TBC1D1: variants seen among roughly 807,000 people sequenced by gnomAD.
TBC1D1 encodes the protein TBC1 (tre-2/USP6, BUB2, cdc16) domain family, member 1.
Under a neutral mutation model 125.6 loss-of-function variants are expected in TBC1D1, and 89 were observed. That is an observed-to-expected ratio of 0.71 (90% CI 0.60 to 0.85). The LOEUF is 0.85. TBC1D1 is among the 40% of genes least tolerant of loss of function. The probability of loss-of-function intolerance (pLI) is 0.00; values close to 1 mark genes in which losing one functional copy is unlikely to be tolerated. For synonymous variants in TBC1D1, 565 were observed against 564.1 expected (o/e 1.00, Z -0.02); for missense variants, 1,377 against 1,469.2 (o/e 0.94, Z 1.03).
intron 2 of TBC1D1, among the ~76,000 whole-genome samples, chr4:37,965,119 C>T (rs1280457187): frequency 6.6e-6 from 1 of 152,222 alleles, no homozygotes; most frequent in Non-Finnish European, 1.5e-5. Context: ...ATCTGCAAAA[C>T]AGAATAAGTA....
At chr4:38,104,266 CTG>C (rs1457227505) in intron 15 of TBC1D1, among the ~76,000 whole-genome samples, 1 of 151,542 alleles carries the variant, frequency 6.6e-6, no homozygotes, top group African/African-American at 2.4e-5. Flanking sequence ...ATTTTGGTGT[CTG>C]TGGGGACTCC....
chr4:37,899,648 C>T (rs531651462), intron 1 of TBC1D1, among the ~76,000 whole-genome samples: 1 of 152,284 alleles, frequency 6.6e-6, no homozygotes, highest in African/African-American at 2.4e-5. Context: ...AAGTCAGCTG[C>T]TGTCATCAGC....
intron 2 of TBC1D1, among the ~76,000 whole-genome samples, chr4:37,950,921 G>T (rs1474891463): frequency 1.3e-5 from 2 of 151,968 alleles, no homozygotes; most frequent in African/African-American, 4.8e-5. Flanking sequence ...GCCATGCCCA[G>T]CTAATTTTTA....
At chr4:37,915,559 T>C (rs1016303945) in intron 2 of TBC1D1, among the ~76,000 whole-genome samples, 2 of 152,226 alleles carry the variant, frequency 1.3e-5, no homozygotes, top group Non-Finnish European at 2.9e-5. Context: ...TATTGAAATA[T>C]ATACTTTAAC....
intron 18 of TBC1D1, among the ~76,000 whole-genome samples, chr4:38,129,102 A>G (rs1004493352): frequency 1.3e-5 from 2 of 152,210 alleles, no homozygotes; most frequent in Non-Finnish European, 2.9e-5. Context: ...CTGAATCAGA[A>G]TCTGCATTTC....
intron 12 of TBC1D1, among the ~76,000 whole-genome samples, chr4:38,066,536 T>A (rs958976160): frequency 6.6e-6 from 1 of 152,122 alleles, no homozygotes; most frequent in African/African-American, 2.4e-5. Flanking sequence ...TCTCACCATG[T>A]TGCCCAGGCT....
chr4:38,045,954 C>G, intron 10 of TBC1D1, 51 bp downstream of exon 10: 1 of 1,484,574 alleles, frequency 6.7e-7, no homozygotes, highest in Middle Eastern at 1.7e-4. Flanking sequence ...ACAAATAGGT[C>G]TTGCTCATCT....
At position 38,095,776 on chromosome 4, in the gene TBC1D1, G is replaced by A. The variant is rs150701848; in HGVS notation, c.2237-153G>A. On this transcript the variant is annotated intron_variant, in intron 13 of 19. Transcript: ENST00000261439. ...GCATTTTCCAAAATGAGGAAAATGG[G>A]TAGAGGCATGGACAGTGACTTATAT... Among the ~76,000 whole-genome samples, 5 of 152,280 alleles carry A rather than the reference G, an allele frequency of 3.3e-5. No individual in the cohort carries two copies. In the East Asian group the frequency reaches 9.6e-4, roughly 29 times the overall value.
chr4:38,042,536 T>C (rs1238305158), intron 8 of TBC1D1, among the ~76,000 whole-genome samples: 2 of 152,184 alleles, frequency 1.3e-5, no homozygotes, highest in Non-Finnish European at 2.9e-5. Flanking sequence ...ATTACAGGCA[T>C]CAGCCACTGC....
intron 2 of TBC1D1, among the ~76,000 whole-genome samples, chr4:37,982,481 G>T (rs1416242717): frequency 4.5e-4 from 69 of 152,098 alleles, no homozygotes. Flanking sequence ...GTGCTGCCTC[G>T]GCTAAGCAAA....
chr4:37,952,628 C>G (rs929303696), intron 2 of TBC1D1: 3 of 153,724 alleles, frequency 2.0e-5, no homozygotes, highest in African/African-American at 4.8e-5. Flanking sequence ...GGGCCTGTCA[C>G]GGGGCGGGGT....
chr4:37,997,881 A>G (rs1387157489), intron 2 of TBC1D1, among the ~76,000 whole-genome samples: 1 of 151,994 alleles, frequency 6.6e-6, no homozygotes. Context: ...CCCTGGTTTC[A>G]CTGTCTGCAC....
chr4:37,963,894 T>C (rs547756440), intron 2 of TBC1D1, among the ~76,000 whole-genome samples: 4 of 152,332 alleles, frequency 2.6e-5, no homozygotes, highest in African/African-American at 9.6e-5. Flanking sequence ...CATTTGTACT[T>C]GGCATTTGGT....
Position 37,995,898 on chromosome 4 carries a change from G to C in TBC1D1, c.418-18611G>C. ...AATCCAGACTTCTGGCTTAACCATG[G>C]CAAGCAGCGACAGGACCTTCTCATT... On this transcript the variant is annotated intron_variant, in intron 2 of 19. Transcript: ENST00000261439. The surrounding 1 kb of genome is among the most constrained non-coding windows in gnomAD (Gnocchi z 4.3). The C allele has an allele frequency of 1.7e-6, 1 of 581,322 alleles. No homozygotes were observed. Among genetic ancestry groups the C allele is most frequent in the Non-Finnish European group, 3.4e-6 (1 of 295,696 alleles). 36.0% of individuals were successfully genotyped at this position (581,322 alleles called of 1,614,324 possible).
At chr4:37,969,917 C>T (rs148086970) in intron 2 of TBC1D1, among the ~76,000 whole-genome samples, 18 of 152,314 alleles carry the variant, frequency 1.2e-4, no homozygotes, top group Non-Finnish European at 2.6e-4. Context: ...TCTCCTCTCT[C>T]CAGCCCCCGG....
At chr4:37,998,420 C>T (rs1738287943) in intron 2 of TBC1D1, among the ~76,000 whole-genome samples, 1 of 152,188 alleles carries the variant, frequency 6.6e-6, no homozygotes, top group South Asian at 2.1e-4. Flanking sequence ...GCCAAGTCCC[C>T]ACCTCGCAGT....
chr4:38,105,073 T>C (rs1761076231), intron 15 of TBC1D1, among the ~76,000 whole-genome samples: 1 of 152,162 alleles, frequency 6.6e-6, no homozygotes. Flanking sequence ...GGTTATTCTT[T>C]AGCTTGAACA....
chr4:38,119,325 C>G (rs868837985), intron 17 of TBC1D1, among the ~76,000 whole-genome samples: 2 of 152,036 alleles, frequency 1.3e-5, no homozygotes, highest in Middle Eastern at 3.4e-3. Context: ...CCCCCAAATA[C>G]TAGATTTTTA....
At chr4:37,910,291 G>A (rs2925953) in intron 2 of TBC1D1, among the ~76,000 whole-genome samples, 29,155 of 151,966 alleles carry the variant, frequency 0.19, 3,357 homozygotes, top group African/African-American at 0.31. Flanking sequence ...TTACTGTCCC[G>A]TACAGTAATC....
Sources: gnomAD v4.1 joint callset for allele counts (sites outside exome capture counted in the v4.1 genomes callset) on GRCh38, gnomAD v4.1.1 for gene constraint, Gnocchi (gnomAD v3.1) non-coding constraint, MANE v1.5 for transcripts, NCBI Gene and HGNC (gene_info 2026-07-23, HGNC 2026-07-21) for gene names.